The following SNTG1 variants were observed in gnomAD, a reference collection of about 807,000 sequenced individuals.
SNTG1 encodes the protein syntrophin gamma 1.
SNTG1 carries 39 observed loss-of-function variants against 74.7 expected under a neutral mutation model. The ratio of observed to expected loss-of-function variants is 0.52; its 90% confidence interval spans 0.40 to 0.68. The LOEUF (loss-of-function observed/expected upper bound fraction) is 0.68. Ranked by LOEUF, SNTG1 falls within the 30% of genes least tolerant of loss-of-function variation. The pLI is 0.00. For synonymous variants in SNTG1, 254 were observed against 217.1 expected (o/e 1.17, Z -1.49); for missense variants, 685 against 609.5 (o/e 1.12, Z -1.30).
intron 5 of SNTG1, among the ~76,000 whole-genome samples, 185 bp downstream of exon 5, chr8:50,438,784 A>T (rs574155309): frequency 6.6e-6 from 1 of 152,344 alleles, no homozygotes; most frequent in East Asian, 1.9e-4. Flanking sequence ...CATTTGATTT[A>T]GAAAGTTTAG....
At chr8:50,467,425 G>C (rs949323450) in intron 8 of SNTG1, among the ~76,000 whole-genome samples, 2 of 151,958 alleles carry the variant, frequency 1.3e-5, no homozygotes, top group Admixed American at 6.6e-5. Context: ...TGCGGGCATA[G>C]AGTTGTTCAC....
chr8:50,319,069 C>T (rs898993067), intron 2 of SNTG1, among the ~76,000 whole-genome samples: 3 of 151,622 alleles, frequency 2.0e-5, no homozygotes, highest in Admixed American at 2.0e-4. Context: ...GATATATATA[C>T]ATATAATGTA....
intron 18 of SNTG1, among the ~76,000 whole-genome samples, chr8:50,770,873 A>G (rs2095625381): frequency 6.6e-6 from 1 of 152,110 alleles, no homozygotes; most frequent in African/African-American, 2.4e-5. Context: ...GTCTCTTTGC[A>G]TATTCCCACT....
intron 12 of SNTG1, among the ~76,000 whole-genome samples, chr8:50,587,462 A>G (rs763078834): frequency 1.3e-5 from 2 of 152,126 alleles, no homozygotes; most frequent in Non-Finnish European, 2.9e-5. Flanking sequence ...ATATGTTTTA[A>G]TTGCTGTGAT....
rs574869466 is a variant in SNTG1 at position 50,482,448 on chromosome 8, T to C, written c.364-20330T>C. On this transcript the variant is annotated intron_variant, in intron 8 of 18. Transcript: ENST00000642720. ...TTGTGAGAATTACCCTCAGTAGTTTTTGTAACACTGTCTCATTTGAAAGTA... is the reference window on the plus strand; with the variant it reads ...TTGTGAGAATTACCCTCAGTAGTTTCTGTAACACTGTCTCATTTGAAAGTA... Among the ~76,000 whole-genome samples, 3 of 152,300 alleles carry C rather than the reference T, an allele frequency of 2.0e-5. No individual in the cohort carries two copies. The South Asian group carries it at 6.2e-4, about 32-fold the overall frequency.
chr8:50,449,630 T>A (rs1267334262), intron 5 of SNTG1, 38 bp from the exon 6 acceptor site: 21 of 1,500,636 alleles, frequency 1.4e-5, no homozygotes, highest in Non-Finnish European at 1.9e-5. Context: ...GCATTTTTTT[T>A]AGATTAAAAA....
At chr8:50,558,706 C>A in intron 12 of SNTG1, among the ~76,000 whole-genome samples, 1 of 149,274 alleles carries the variant, frequency 6.7e-6, no homozygotes, top group African/African-American at 2.5e-5. Flanking sequence ...ATATAAGAAA[C>A]AAAACAACTA....
intron 12 of SNTG1, among the ~76,000 whole-genome samples, chr8:50,581,111 G>T (rs1165452978): frequency 6.6e-6 from 1 of 151,930 alleles, no homozygotes; most frequent in Non-Finnish European, 1.5e-5. Flanking sequence ...ATAATAGAAG[G>T]TCAAACCTAA....
chr8:50,573,736 A>G (rs899054019), intron 12 of SNTG1, among the ~76,000 whole-genome samples: 3 of 151,916 alleles, frequency 2.0e-5, no homozygotes, highest in Admixed American at 2.0e-4. Flanking sequence ...TGTTTTAGAA[A>G]CAGAATACTC....
chr8:49,972,380 G>T (rs1027315947), intron 1 of SNTG1, among the ~76,000 whole-genome samples: 4 of 152,162 alleles, frequency 2.6e-5, no homozygotes, highest in Non-Finnish European at 5.9e-5. Context: ...ATGGATTAAA[G>T]ACTTCAATGT....
intron 1 of SNTG1, among the ~76,000 whole-genome samples, chr8:49,933,800 T>C (rs1435745243): frequency 1.3e-5 from 2 of 152,222 alleles, no homozygotes; most frequent in Non-Finnish European, 2.9e-5. Flanking sequence ...TCACTTTTAT[T>C]CAACCTGTTT....
chr8:50,589,324 G>A (rs772719695), intron 12 of SNTG1, among the ~76,000 whole-genome samples: 3 of 152,060 alleles, frequency 2.0e-5, no homozygotes, highest in Non-Finnish European at 4.4e-5. Flanking sequence ...TGATGGTCTA[G>A]TAAACACTCT....
At chr8:50,677,948 G>C (rs541292055) in intron 15 of SNTG1, among the ~76,000 whole-genome samples, 11 of 151,862 alleles carry the variant, frequency 7.2e-5, no homozygotes, top group South Asian at 4.2e-4. Flanking sequence ...TGAACAAAGG[G>C]AGGGGAACAA....
At chr8:50,760,283 C>T (rs1332056742) in intron 18 of SNTG1, among the ~76,000 whole-genome samples, 3 of 152,080 alleles carry the variant, frequency 2.0e-5, no homozygotes, top group African/African-American at 4.8e-5. Flanking sequence ...ATCATGTCAT[C>T]TGCAAACAGA....
chr8:50,561,427 A>G (rs1343073270), intron 12 of SNTG1, among the ~76,000 whole-genome samples: 2 of 152,136 alleles, frequency 1.3e-5, no homozygotes, highest in African/African-American at 2.4e-5. Flanking sequence ...AAAAACCAGA[A>G]AAAAGGAAAA....
At chr8:50,329,815 T>C (rs2090893435) in intron 2 of SNTG1, among the ~76,000 whole-genome samples, 1 of 152,176 alleles carries the variant, frequency 6.6e-6, no homozygotes, top group Non-Finnish European at 1.5e-5. Context: ...CCTAGAAATT[T>C]TTTTTTTCTA....
chr8:50,576,170 G>T (rs1425573940), intron 12 of SNTG1, among the ~76,000 whole-genome samples: 1 of 152,156 alleles, frequency 6.6e-6, no homozygotes, highest in African/African-American at 2.4e-5. Flanking sequence ...TAATGTAATG[G>T]AAGGTCCAGC....
intron 4 of SNTG1, among the ~76,000 whole-genome samples, chr8:50,430,854 G>A (rs1277108580): frequency 6.6e-6 from 1 of 152,196 alleles, no homozygotes; most frequent in Non-Finnish European, 1.5e-5. Flanking sequence ...ATACATTCAT[G>A]GGACTGGGAT....
At chr8:50,689,826 C>T (rs2095369579) in intron 15 of SNTG1, among the ~76,000 whole-genome samples, 2 of 152,142 alleles carry the variant, frequency 1.3e-5, no homozygotes, top group African/African-American at 2.4e-5. Flanking sequence ...AGGAATGGTA[C>T]CAGCTCCTCT....
Sources: gnomAD v4.1 joint callset for allele counts (sites outside exome capture counted in the v4.1 genomes callset) on GRCh38, gnomAD v4.1.1 for gene constraint, MANE v1.5 for transcripts, NCBI Gene and HGNC (gene_info 2026-07-23, HGNC 2026-07-21) for gene names.